The following ARSB variants were observed in gnomAD, a reference collection of about 807,000 sequenced individuals.
ARSB encodes arylsulfatase B, also known as N-acetylgalactosamine-4-sulfatase.
ARSB carries 41 observed loss-of-function variants against 50.9 expected under a neutral mutation model. The ratio of observed to expected loss-of-function variants is 0.81; its 90% confidence interval spans 0.63 to 1.04. ARSB has a LOEUF of 1.04. Ranked by LOEUF, ARSB falls within the 50% of genes least tolerant of loss-of-function variation. ARSB has a pLI of 0.00. For synonymous variants in ARSB, 269 were observed against 284.8 expected, an observed-to-expected ratio of 0.94 and a Z score of 0.56; for missense variants, 672 against 693.3, an observed-to-expected ratio of 0.97 and a Z score of 0.35.
intron 6 of ARSB, among the ~76,000 whole-genome samples, chr5:78,809,493 GAAC>G (rs1227166629): frequency 1.3e-5 from 2 of 152,250 alleles, no homozygotes; most frequent in African/African-American, 4.8e-5. Context: ...AAAGAGTGAG[GAAC>G]AACAGGCAGA....
intron 5 of ARSB, among the ~76,000 whole-genome samples, chr5:78,844,895 T>A (rs1468569568): frequency 1.3e-5 from 2 of 152,144 alleles, no homozygotes; most frequent in Non-Finnish European, 2.9e-5. Context: ...ACATTCAAAA[T>A]TCACTCTTGT....
chr5:78,955,666 C>T (rs368354059), intron 3 of ARSB, among the ~76,000 whole-genome samples, 164 bp from the exon 4 acceptor site: 17 of 151,186 alleles, frequency 1.1e-4, no homozygotes, highest in Admixed American at 3.3e-4. Flanking sequence ...GACTCATCTC[C>T]AGAATATATA....
intron 1 of ARSB, among the ~76,000 whole-genome samples, chr5:78,983,801 G>A (rs1303607837): frequency 6.6e-6 from 1 of 152,136 alleles, no homozygotes; most frequent in Non-Finnish European, 1.5e-5. Context: ...TTAGGACCAC[G>A]TGAGGCTAGG....
At chr5:78,814,298 T>C (rs1743914715) in intron 6 of ARSB, among the ~76,000 whole-genome samples, 2 of 151,024 alleles carry the variant, frequency 1.3e-5, no homozygotes, top group Non-Finnish European at 3.0e-5. Context: ...AGTCAGCACA[T>C]ACATTTCAAT....
At chr5:78,923,409 C>G (rs898172239) in intron 4 of ARSB, among the ~76,000 whole-genome samples, 1 of 152,216 alleles carries the variant, frequency 6.6e-6, no homozygotes, top group Non-Finnish European at 1.5e-5. Context: ...GAGAAACTCA[C>G]GAAAGCCTGC....
Position 78,985,090 on chromosome 5 carries a change from G to A in ARSB, c.159C>T (p.Asp53=). The A allele has an allele frequency of 6.5e-7, 1 of 1,529,302 alleles. No individual in the cohort carries two copies. The highest frequency in any genetic ancestry group is 2.7e-5 in the East Asian group (1 of 37,098). The allele number at this position is 1,529,302 out of a possible 1,614,324, so 94.7% of individuals were successfully genotyped here. A position where few individuals can be genotyped will look rare whatever the true frequency, so the allele number is the denominator to read the frequency against. The part of the protein sequence containing the change: ...RPPHLVFLLA[D]DLGWNDVGFH... ...AGCCGACGTCGTTCCAGCCTAGGTC[G>A]TCTGCCAGCAAGAAGACCAGGTGGG... The change falls in exon 1 of 8, where the codon GAC becomes GAT. Residue 53 remains aspartate, a synonymous_variant. Transcript: ENST00000264914.
At chr5:78,835,616 T>G (rs1744915718) in intron 6 of ARSB, among the ~76,000 whole-genome samples, 1 of 152,166 alleles carries the variant, frequency 6.6e-6, no homozygotes, top group African/African-American at 2.4e-5. Flanking sequence ...TTTCTAGCAT[T>G]TGCACTTGTG....
chr5:78,961,503 T>C (rs1751983240), intron 3 of ARSB, among the ~76,000 whole-genome samples: 5 of 152,118 alleles, frequency 3.3e-5, no homozygotes, highest in Admixed American at 2.0e-4. Context: ...GTAATAACAC[T>C]CCTTCCATGG....
At chr5:78,794,802 C>T (rs186718390) in intron 6 of ARSB, among the ~76,000 whole-genome samples, 69 of 152,292 alleles carry the variant, frequency 4.5e-4, no homozygotes, top group African/African-American at 1.6e-3. Context: ...CATTTAACGC[C>T]TGACTGTCAT....
intron 5 of ARSB, among the ~76,000 whole-genome samples, chr5:78,847,099 C>T (rs1745479999): frequency 6.6e-6 from 1 of 152,020 alleles, no homozygotes; most frequent in Non-Finnish European, 1.5e-5. Flanking sequence ...TGGGATAAAT[C>T]CCACTTGATA....
intron 4 of ARSB, among the ~76,000 whole-genome samples, chr5:78,939,694 G>C (rs1318894362): frequency 6.6e-6 from 1 of 152,146 alleles, no homozygotes; most frequent in African/African-American, 2.4e-5. Context: ...GTGGACATTT[G>C]GGTTGGTTCC....
chr5:78,905,333 C>T (rs1186604774), intron 4 of ARSB, among the ~76,000 whole-genome samples: 1 of 121,290 alleles, frequency 8.2e-6, no homozygotes, highest in Admixed American at 9.0e-5. Flanking sequence ...GAGTACTGCT[C>T]GTATTTTCCT....
chr5:78,918,913 G>A (rs994643033), intron 4 of ARSB, among the ~76,000 whole-genome samples: 2 of 152,114 alleles, frequency 1.3e-5, no homozygotes, highest in African/African-American at 2.4e-5. Flanking sequence ...GAAAGTTACC[G>A]TGATTAATCC....
At position 78,839,418 on chromosome 5, in the gene ARSB, C is replaced by T. The variant is rs25414; in HGVS notation, c.1151G>A (p.Ser384Asn). ...FDVWKTISEG[S>N]PSPRIELLHN... ...CAGCAGCTCAATTCTGGGGGATGGG[C>T]TTCCTTCACTGGAAAACAATTTTTA... The change falls in exon 6 of 8, where the codon AGC becomes AAC. Residue 384 changes from serine to asparagine, a missense_variant. Ser to Asn is a conservative substitution (Grantham distance 46). Coordinates refer to ENST00000264914, the MANE Select transcript of ARSB (RefSeq NM_000046.5). The T allele has an allele frequency of 0.053, 85,760 of 1,612,922 alleles. 2,646 individuals carry two copies. The highest frequency in any genetic ancestry group is 0.061 in the Non-Finnish European group (72,092 of 1,179,068).
intron 6 of ARSB, among the ~76,000 whole-genome samples, chr5:78,831,370 G>A (rs752226569): frequency 1.3e-4 from 19 of 151,898 alleles, no homozygotes; most frequent in Admixed American, 2.6e-4. Context: ...GTGAATACAA[G>A]GCACTGACAG....
intron 6 of ARSB, among the ~76,000 whole-genome samples, chr5:78,818,878 T>C (rs927505342): frequency 6.6e-6 from 1 of 152,168 alleles, no homozygotes; most frequent in African/African-American, 2.4e-5. Context: ...ACTAACTTGA[T>C]TCTGTTTTGC....
chr5:78,870,759 C>G (rs1243850836), intron 5 of ARSB, among the ~76,000 whole-genome samples: 10 of 150,264 alleles, frequency 6.7e-5, no homozygotes, highest in African/African-American at 2.4e-4. Context: ...TGGCACAAGA[C>G]AGGGATGCCC....
chr5:78,930,123 G>T (rs1750253614), intron 4 of ARSB, among the ~76,000 whole-genome samples: 1 of 152,126 alleles, frequency 6.6e-6, no homozygotes, highest in Non-Finnish European at 1.5e-5. Context: ...ATTACCTCTG[G>T]ACTCCAGAGG....
intron 5 of ARSB, among the ~76,000 whole-genome samples, chr5:78,865,564 G>A (rs1746679967): frequency 6.6e-6 from 1 of 152,084 alleles, no homozygotes; most frequent in South Asian, 2.1e-4. Flanking sequence ...TCAACATTTG[G>A]CTCCTGATTA....
Sources: allele counts gnomAD v4.1 joint callset (sites outside exome capture counted in the v4.1 genomes callset), GRCh38; gene constraint gnomAD v4.1.1; transcripts MANE v1.5; gene names NCBI Gene and HGNC (gene_info 2026-07-23, HGNC 2026-07-21).